NCAM2: variants seen among roughly 807,000 people sequenced by gnomAD.
NCAM2 encodes the protein neural cell adhesion molecule 2.
Under a neutral mutation model 98.1 loss-of-function variants are expected in NCAM2, and 30 were observed. The observed-to-expected ratio is 0.31, with a 90% confidence interval of 0.23 to 0.41. NCAM2 has a LOEUF of 0.41. Ranked by LOEUF, NCAM2 falls within the 10% of genes least tolerant of loss-of-function variation. NCAM2 has a pLI of 1.00. For missense variants in NCAM2, 867 were observed against 1,005.8 expected (o/e 0.86, Z 1.87); for synonymous variants, 368 against 342.4 (o/e 1.07, Z -0.83).
At chr21:21,104,303 G>A (rs921438917) in intron 1 of NCAM2, among the ~76,000 whole-genome samples, 3 of 152,086 alleles carry the variant, frequency 2.0e-5, no homozygotes, top group African/African-American at 7.2e-5. Flanking sequence ...TTAGTGTATT[G>A]TATATATCTG....
At chr21:21,009,756 T>A (rs1212752450) in intron 1 of NCAM2, among the ~76,000 whole-genome samples, 2 of 152,036 alleles carry the variant, frequency 1.3e-5, no homozygotes, top group Non-Finnish European at 2.9e-5. Flanking sequence ...CTGAACTGTA[T>A]GTATGGTAAG....
At chr21:21,110,939 A>G (rs2066441898) in intron 1 of NCAM2, among the ~76,000 whole-genome samples, 1 of 152,108 alleles carries the variant, frequency 6.6e-6, no homozygotes, top group Non-Finnish European at 1.5e-5. Flanking sequence ...GTTTTTTAAT[A>G]ACAATAATTG....
At chr21:21,512,668 T>A (rs1328142577) in intron 16 of NCAM2, among the ~76,000 whole-genome samples, 1 of 152,080 alleles carries the variant, frequency 6.6e-6, no homozygotes, top group Non-Finnish European at 1.5e-5. Flanking sequence ...AATCTGTAGA[T>A]TTCTTTGAGT....
intron 14 of NCAM2, among the ~76,000 whole-genome samples, chr21:21,469,302 A>G (rs1045428745): frequency 6.6e-6 from 1 of 152,030 alleles, no homozygotes; most frequent in African/African-American, 2.4e-5. Flanking sequence ...GAGAGCTAAA[A>G]GCTGCACACA....
chr21:21,502,835 T>A (rs536770994), intron 15 of NCAM2, among the ~76,000 whole-genome samples: 8 of 152,096 alleles, frequency 5.3e-5, no homozygotes, highest in African/African-American at 1.9e-4. Context: ...ATCTTAGGAC[T>A]CTGACTTTTT....
intron 9 of NCAM2, among the ~76,000 whole-genome samples, chr21:21,390,679 A>G (rs1048749931): frequency 5.9e-5 from 9 of 152,304 alleles, no homozygotes; most frequent in African/African-American, 1.2e-4. Context: ...TTTGTTATAT[A>G]TTTTTCTTTA....
intron 15 of NCAM2, among the ~76,000 whole-genome samples, chr21:21,499,179 A>G (rs193293428): frequency 6.6e-6 from 1 of 152,352 alleles, no homozygotes; most frequent in East Asian, 1.9e-4. Context: ...AGCTAAAAGT[A>G]GAAGAATGGA....
rs57713170 is a variant in NCAM2 at position 21,082,225 on chromosome 21, TAAA to T, written c.55+83623_55+83625del. ...CCTGGGCGACAGAGTGAGAATCCTT[TAAA>T]AAAAAAAAAAAAAAAGAATTCTCTC... On this transcript the variant is annotated intron_variant, in intron 1 of 17. Transcript: ENST00000400546. Among the ~76,000 whole-genome samples, 98 of 82,908 alleles carry T rather than the reference TAAA, an allele frequency of 1.2e-3. 1 individual carries two copies. Among genetic ancestry groups the T allele is most frequent in the African/African-American group, 4.1e-3 (93 of 22,596 alleles). The allele number at this position is 82,908 out of a possible 152,430, so 54.4% of individuals were successfully genotyped here.
chr21:20,998,642 A>G, intron 1 of NCAM2, 24 bp downstream of exon 1: 1 of 1,611,424 alleles, frequency 6.2e-7, no homozygotes, highest in Non-Finnish European at 8.5e-7. Context: ...GCTTTATTGC[A>G]TTTACTTTCC....
intron 1 of NCAM2, among the ~76,000 whole-genome samples, chr21:21,113,587 G>A (rs1001804214): frequency 6.6e-6 from 1 of 152,128 alleles, no homozygotes; most frequent in African/African-American, 2.4e-5. Context: ...AGATGACTGG[G>A]AAACTATGAT....
intron 1 of NCAM2, among the ~76,000 whole-genome samples, chr21:21,123,848 C>CTTTTTTTTTTTTT (rs71193401): frequency 0.049 from 4,272 of 86,610 alleles, 912 homozygotes; most frequent in African/African-American, 0.068. Flanking sequence ...TTCTTGATTG[C>CTTTTTTTTTTTTT]TTTTTTTTTT....
chr21:21,388,709 T>C (rs1241733373), intron 9 of NCAM2, among the ~76,000 whole-genome samples: 4 of 152,236 alleles, frequency 2.6e-5, no homozygotes, highest in South Asian at 4.1e-4. Flanking sequence ...TGGAAAACTT[T>C]TAAGTAGTTT....
rs757571522 is a variant in NCAM2 at position 20,998,580 on chromosome 21, C to A, written c.17C>A (p.Ser6Tyr). 4.3e-6 allele frequency: 7 copies of A among 1,613,996 alleles called. No individual in the cohort carries two copies. Among genetic ancestry groups the A allele is most frequent in the African/African-American group, 1.3e-5 (1 of 74,928 alleles). ...GTCCTGAACATGAGCCTCCTCCTCT[C>A]CTTCTACCTGCTGGGGTTGCTTGTC... MSLLL[S>Y]FYLLGLLVSS... Residue 6 changes from serine to tyrosine, a missense_variant, in exon 1 of 18, where the codon TCC becomes TAC. Around this residue, in one of 5 missense-constraint regions of NCAM2, gnomAD observed 447 missense variants for 495.7 expected, o/e 0.90. Transcript: ENST00000400546.
chr21:21,458,789 A>G (rs1272330692), intron 12 of NCAM2, among the ~76,000 whole-genome samples: 1 of 152,148 alleles, frequency 6.6e-6, no homozygotes, highest in Non-Finnish European at 1.5e-5. Context: ...GGTCTGCACA[A>G]TGATTATTTT....
In NCAM2 at chr21:21,214,746, T is replaced by TATAC. The variant is rs11268201; in HGVS notation, c.56-65831_56-65830insTACA. Among the ~76,000 whole-genome samples, 317 of 100,566 alleles carry TATAC rather than the reference T, an allele frequency of 3.2e-3. 3 individuals are homozygous for TATAC. The highest frequency in any genetic ancestry group is 6.1e-3 in the African/African-American group (186 of 30,614). 66.0% of individuals were successfully genotyped at this position (100,566 alleles called of 152,430 possible). A position where few individuals can be genotyped will look rare whatever the true frequency, so the allele number is the denominator to read the frequency against. ...CCATATATATATATATATATATATA[T>TATAC]ACACTATATATACACATATATGTAA... is the stretch of plus-strand genomic sequence containing the variant. On this transcript the variant is annotated intron_variant, in intron 1 of 17. Coordinates refer to ENST00000400546, the MANE Select transcript of NCAM2 (RefSeq NM_004540.5).
chr21:21,453,911 G>T (rs1210552489), intron 12 of NCAM2, among the ~76,000 whole-genome samples: 1 of 151,958 alleles, frequency 6.6e-6, no homozygotes, highest in Non-Finnish European at 1.5e-5. Flanking sequence ...CTTCGGTATG[G>T]TGTTTTTATT....
intron 8 of NCAM2, among the ~76,000 whole-genome samples, chr21:21,345,006 C>T (rs528204636): frequency 3.9e-5 from 6 of 152,142 alleles, no homozygotes; most frequent in Non-Finnish European, 7.4e-5. Context: ...TAATTTTCCC[C>T]GAACTTGTCC....
intron 11 of NCAM2, among the ~76,000 whole-genome samples, chr21:21,428,165 C>G (rs1031043931): frequency 6.6e-6 from 1 of 152,094 alleles, no homozygotes; most frequent in Non-Finnish European, 1.5e-5. Context: ...TGCACAATTG[C>G]TTTTCTATTC....
Position 21,539,129 on chromosome 21 carries a change from G to T in NCAM2, c.*1172G>T, listed in dbSNP as rs1475747868. 1 of 152,168 alleles carries T rather than the reference G, an allele frequency of 6.6e-6. No homozygotes were observed. Among genetic ancestry groups the T allele is most frequent in the Non-Finnish European group, 1.5e-5 (1 of 68,004 alleles). 9.4% of individuals were successfully genotyped at this position (152,168 alleles called of 1,614,324 possible). On this transcript the variant is annotated 3_prime_UTR_variant, in exon 18 of 18. Transcript: ENST00000400546. Reference sequence around the variant, plus strand: ...ATTTTGATAAACAACTTTGGTTGAAGAAATTCCTTAAGTATTCAACACAAA... The same window carrying T: ...ATTTTGATAAACAACTTTGGTTGAATAAATTCCTTAAGTATTCAACACAAA...
Sources: allele counts gnomAD v4.1 joint callset (sites outside exome capture counted in the v4.1 genomes callset), GRCh38; gene constraint gnomAD v4.1.1; regional missense constraint gnomAD v4.1.1; transcripts MANE v1.5; gene names NCBI Gene and HGNC (gene_info 2026-07-23, HGNC 2026-07-21).